Variants in NR2F1-AS1 observed in about 807,000 individuals in gnomAD.
NR2F1-AS1 encodes the protein NR2F1 antisense RNA 1.
At chr5:93,505,732 T>C (rs1184198982) in intron 4 of NR2F1-AS1, among the ~76,000 whole-genome samples, 1 of 152,182 alleles carries the variant, frequency 6.6e-6, no homozygotes, top group Non-Finnish European at 1.5e-5. Flanking sequence ...GGCACCAAGT[T>C]CCTAGGCTGC....
chr5:93,561,634 A>T (rs1219915117), intron 2 of NR2F1-AS1, among the ~76,000 whole-genome samples: 2 of 152,106 alleles, frequency 1.3e-5, no homozygotes, highest in Non-Finnish European at 2.9e-5. Context: ...TTAACTGGGC[A>T]TAATGGCGCA....
chr5:93,446,274 G>A (rs1740715421), intron 4 of NR2F1-AS1, among the ~76,000 whole-genome samples: 1 of 152,192 alleles, frequency 6.6e-6, no homozygotes, highest in African/African-American at 2.4e-5. Context: ...CCTGTTTGCA[G>A]ATGACATGAT....
chr5:93,521,076 C>T (rs1751491881), intron 4 of NR2F1-AS1, among the ~76,000 whole-genome samples: 1 of 152,102 alleles, frequency 6.6e-6, no homozygotes, highest in Non-Finnish European at 1.5e-5. Flanking sequence ...ACACCTATGA[C>T]CATCTGATAT....
intron 4 of NR2F1-AS1, among the ~76,000 whole-genome samples, chr5:93,451,096 C>T (rs1388557072): frequency 1.3e-5 from 2 of 151,900 alleles, no homozygotes; most frequent in African/African-American, 4.8e-5. Flanking sequence ...TTACTATCAT[C>T]CACCTGCCAC....
At chr5:93,464,408 A>T (rs1371225826) in intron 4 of NR2F1-AS1, among the ~76,000 whole-genome samples, 1 of 152,170 alleles carries the variant, frequency 6.6e-6, no homozygotes, top group Admixed American at 6.5e-5. Context: ...AAAGCCCTTT[A>T]TTTACTAGAA....
intron 4 of NR2F1-AS1, among the ~76,000 whole-genome samples, chr5:93,551,066 G>A (rs1752216047): frequency 6.6e-6 from 1 of 151,400 alleles, no homozygotes; most frequent in African/African-American, 2.4e-5. Flanking sequence ...TATTTACTTA[G>A]AAGTTTTTGA....
chr5:93,541,009 C>T (rs915182219), intron 4 of NR2F1-AS1, among the ~76,000 whole-genome samples: 2 of 152,190 alleles, frequency 1.3e-5, no homozygotes, highest in African/African-American at 4.8e-5. Context: ...TTAGCCCTCA[C>T]TTTTTCTTTT....
At chr5:93,478,406 T>C (rs923031392) in intron 4 of NR2F1-AS1, among the ~76,000 whole-genome samples, 2 of 152,152 alleles carry the variant, frequency 1.3e-5, no homozygotes, top group African/African-American at 4.8e-5. Context: ...TTTTGTTTGT[T>C]TGTTTTTTGT....
At chr5:93,418,605 A>C (rs1304677917) in intron 4 of NR2F1-AS1, among the ~76,000 whole-genome samples, 1 of 151,788 alleles carries the variant, frequency 6.6e-6, no homozygotes, top group Non-Finnish European at 1.5e-5. Flanking sequence ...ATAAATAAAT[A>C]AATAAATAAA....
rs750644394 is a variant in NR2F1-AS1, at chr5:93,562,183, CA to C, written n.413+1180del. ...GGCAACATAATGAAACCCATCTCTACAAAAAAAAAAAAAAAAGAAAAGAAAA... is the reference window on the plus strand; with the variant it reads ...GGCAACATAATGAAACCCATCTCTACAAAAAAAAAAAAAAAGAAAAGAAAA... On this transcript the variant is annotated intron_variant and non_coding_transcript_variant, in intron 2 of 5. Transcript: ENST00000660523. 1.1e-3 allele frequency among the ~76,000 whole-genome samples: 58 copies of C among 50,636 alleles called. 1 individual carries two copies. The highest frequency in any genetic ancestry group is 6.3e-3 in the East Asian group (11 of 1,758). The allele number at this position is 50,636 out of a possible 152,430, so 33.2% of individuals were successfully genotyped here. A position where few individuals can be genotyped will look rare whatever the true frequency, so the allele number is the denominator to read the frequency against.
chr5:93,537,717 G>C (rs1751867685), intron 4 of NR2F1-AS1, among the ~76,000 whole-genome samples: 1 of 152,154 alleles, frequency 6.6e-6, no homozygotes, highest in East Asian at 1.9e-4. Context: ...TAAATTAGTA[G>C]TCATTATAAA....
At chr5:93,567,086 T>C (rs988918649) in intron 1 of NR2F1-AS1, among the ~76,000 whole-genome samples, 8 of 152,238 alleles carry the variant, frequency 5.3e-5, no homozygotes, top group African/African-American at 1.9e-4. Context: ...ATATTCTCAG[T>C]CCAAAGTTTC....
intron 4 of NR2F1-AS1, among the ~76,000 whole-genome samples, chr5:93,434,915 CATG>C (rs552784960): frequency 2.6e-5 from 4 of 152,146 alleles, no homozygotes; most frequent in Non-Finnish European, 4.4e-5. Context: ...TCAGGAAGTA[CATG>C]ATATTGGTTT....
intron 4 of NR2F1-AS1, among the ~76,000 whole-genome samples, chr5:93,478,055 C>A (rs570688373): frequency 6.6e-6 from 1 of 152,258 alleles, no homozygotes; most frequent in African/African-American, 2.4e-5. Flanking sequence ...GGGAAAGAAG[C>A]CAATGCAGCA....
At chr5:93,546,622 T>C (rs945495933) in intron 4 of NR2F1-AS1, among the ~76,000 whole-genome samples, 1 of 152,216 alleles carries the variant, frequency 6.6e-6, no homozygotes, top group Non-Finnish European at 1.5e-5. Flanking sequence ...CAATAAATAT[T>C]TGTTAATGAA....
At chr5:93,440,508 T>C (rs924288764) in intron 4 of NR2F1-AS1, among the ~76,000 whole-genome samples, 2 of 152,220 alleles carry the variant, frequency 1.3e-5, no homozygotes, top group African/African-American at 4.8e-5. Context: ...CCTTCAGACT[T>C]GTACAAGACT....
intron 4 of NR2F1-AS1, among the ~76,000 whole-genome samples, chr5:93,490,525 TGTGGTTATGGTGGCAGTGGTGGTG>T (rs951156239): frequency 7.6e-6 from 1 of 132,264 alleles, no homozygotes; most frequent in Non-Finnish European, 1.6e-5. Context: ...TGATGGTCAT[TGTGGTTATGGTGGCAGTGGTGGTG>T]GTGGTCATGG....
chr5:93,504,933 C>T (rs374616364), intron 4 of NR2F1-AS1, among the ~76,000 whole-genome samples: 1 of 152,196 alleles, frequency 6.6e-6, no homozygotes, highest in Admixed American at 6.5e-5. Flanking sequence ...GCCTTCCCAA[C>T]AGTCCTCCAA....
chr5:93,425,451 G>C (rs1749176447), intron 4 of NR2F1-AS1, among the ~76,000 whole-genome samples: 2 of 152,178 alleles, frequency 1.3e-5, no homozygotes, highest in South Asian at 4.1e-4. Context: ...GATCAACCTA[G>C]ATTCAGTAGA....
Sources: allele counts gnomAD v4.1 joint callset (sites outside exome capture counted in the v4.1 genomes callset), GRCh38; gene constraint gnomAD v4.1.1; transcripts MANE v1.5; gene names NCBI Gene and HGNC (gene_info 2026-07-23, HGNC 2026-07-21).